ACCSL: variants seen among roughly 807,000 people sequenced by gnomAD.
ACCSL encodes probable inactive 1-aminocyclopropane-1-carboxylate synthase-like protein 2.
ACCSL carries 55 observed loss-of-function variants against 61.7 expected under a neutral mutation model. The observed-to-expected ratio is 0.89, with a 90% confidence interval of 0.72 to 1.12. The LOEUF is 1.12. Ranked by LOEUF, ACCSL falls within the 50% of genes most tolerant of loss-of-function variation. ACCSL has a pLI of 0.00. For synonymous variants in ACCSL, 258 were observed against 264.3 expected, an observed-to-expected ratio of 0.98 and a Z score of 0.23; for missense variants, 632 against 698.0, an observed-to-expected ratio of 0.91 and a Z score of 1.07.
the ACCSL span, among the ~76,000 whole-genome samples, chr11:44,002,605 C>T: frequency 6.6e-6 from 1 of 152,118 alleles, no homozygotes; most frequent in Non-Finnish European, 1.5e-5. Flanking sequence ...GAGGCTGTAG[C>T]TGGGGAGATA....
chr11:43,997,985 G>A, the ACCSL span, among the ~76,000 whole-genome samples: 2 of 152,218 alleles, frequency 1.3e-5, no homozygotes, highest in Non-Finnish European at 2.9e-5. Flanking sequence ...ATCACCATCA[G>A]TGTAGCATGG....
At chr11:43,969,671 A>G in the ACCSL span, among the ~76,000 whole-genome samples, 1 of 152,056 alleles carries the variant, frequency 6.6e-6, no homozygotes, top group Non-Finnish European at 1.5e-5. Flanking sequence ...CTGACTTCGC[A>G]GAGCCTGCCA....
intron 7 of ACCSL, 106 bp from the exon 8 acceptor site, chr11:44,053,300 C>T: frequency 8.9e-7 from 1 of 1,129,612 alleles, no homozygotes. Flanking sequence ...GCTTCAAGAC[C>T]CTACCTAGGC....
the ACCSL span, among the ~76,000 whole-genome samples, chr11:43,938,842 T>C: frequency 6.6e-6 from 1 of 152,180 alleles, no homozygotes; most frequent in East Asian, 1.9e-4. Flanking sequence ...AAGGCTATCC[T>C]AAGGACATCC....
chr11:43,996,145 G>T, the ACCSL span, among the ~76,000 whole-genome samples: 1 of 152,202 alleles, frequency 6.6e-6, no homozygotes, highest in African/African-American at 2.4e-5. Context: ...ACAGCCCTCA[G>T]AAGGGACCAA....
At chr11:44,047,937 G>T, upstream of ACCSL, 2 of 1,429,316 alleles carry the variant, frequency 1.4e-6, no homozygotes, top group South Asian at 2.7e-5. Context: ...TCCATTCCTG[G>T]ACCTGAGGGT....
chr11:43,980,988 T>G, the ACCSL span, among the ~76,000 whole-genome samples: 115 of 152,318 alleles, frequency 7.5e-4, no homozygotes, highest in Non-Finnish European at 8.4e-4. Context: ...CATAGATGAT[T>G]GTTTTAAGTA....
the ACCSL span, among the ~76,000 whole-genome samples, chr11:44,034,048 T>C: frequency 1.3e-5 from 2 of 152,160 alleles, no homozygotes; most frequent in African/African-American, 4.8e-5. Flanking sequence ...TGGGCTGTCA[T>C]TGTGCAGCCA....
At chr11:43,939,911 G>A in the ACCSL span, among the ~76,000 whole-genome samples, 1 of 151,980 alleles carries the variant, frequency 6.6e-6, no homozygotes, top group African/African-American at 2.4e-5. Flanking sequence ...CTGGACAGAG[G>A]TCAACCTTGA....
chr11:43,952,605 C>T, the ACCSL span, among the ~76,000 whole-genome samples: 2 of 152,198 alleles, frequency 1.3e-5, no homozygotes, highest in Non-Finnish European at 2.9e-5. Flanking sequence ...CCCCCAGTCA[C>T]ATACCGCCTG....
At chr11:43,984,013 C>A in the ACCSL span, among the ~76,000 whole-genome samples, 1 of 151,832 alleles carries the variant, frequency 6.6e-6, no homozygotes, top group Non-Finnish European at 1.5e-5. Flanking sequence ...GGTACTTGGG[C>A]GGCTGAGGCA....
At chr11:44,048,561 GTGGGC>G in intron 1 of ACCSL, 21 bp downstream of exon 1, 1 of 204,360 alleles carries the variant, frequency 4.9e-6, no homozygotes, top group Non-Finnish European at 8.7e-6. Context: ...GGGGTGGGGG[GTGGGC>G]AGCATCCTCA....
rs1388829996 is a variant in ACCSL, at chr11:44,055,059, G to A, written c.1050-143G>A. The A allele has an allele frequency of 2.6e-5, 15 of 573,180 alleles. No homozygotes were observed. In the South Asian group the frequency reaches 3.4e-4, roughly 13 times the overall value. 35.5% of individuals were successfully genotyped at this position (573,180 alleles called of 1,614,324 possible). On this transcript the variant is annotated intron_variant, in intron 8 of 13. Coordinates refer to ENST00000378832, the MANE Select transcript of ACCSL (RefSeq NM_001031854.2). ...CTTGGAGGGTCAGATGGGCTGCTGG[G>A]GCAGTAGGAGTGCATGATCTGTGTC...
At chr11:43,959,405 G>T in the ACCSL span, among the ~76,000 whole-genome samples, 6 of 152,252 alleles carry the variant, frequency 3.9e-5, no homozygotes, top group South Asian at 2.1e-4. Context: ...AGCTGCGAGA[G>T]AAATTAACTT....
At chr11:43,936,860 A>G in the ACCSL span, among the ~76,000 whole-genome samples, 1 of 151,986 alleles carries the variant, frequency 6.6e-6, no homozygotes, top group South Asian at 2.1e-4. Context: ...TCGGTCCTCC[A>G]TGGGAGGTTC....
chr11:43,938,206 G>C, the ACCSL span, among the ~76,000 whole-genome samples: 146 of 148,434 alleles, frequency 9.8e-4, no homozygotes, highest in African/African-American at 3.7e-3. Context: ...AGGTTCTCTG[G>C]GGGGGTGACC....
chr11:43,929,776 C>T, the ACCSL span, among the ~76,000 whole-genome samples: 3 of 152,262 alleles, frequency 2.0e-5, no homozygotes, highest in East Asian at 5.8e-4. Context: ...AACTCCTGGC[C>T]TCAAGTGATC....
In ACCSL at chr11:44,058,608, G is replaced by T. The variant is rs997822215; in HGVS notation, c.1533G>T (p.Lys511Asn). ...RLLYCRFLDNKLLLSRGKTYM... is the reference protein window; with the variant it reads ...RLLYCRFLDNNLLLSRGKTYM... ...TCTATTGCCGCTTCCTGGACAACAA[G>T]CTATTGTTATCCCGTGGCAAAACCT... The change falls in exon 13 of 14, where the codon AAG (lysine) becomes AAT (asparagine). Residue 511 changes from lysine (K) to asparagine (N), a missense_variant. Transcript: ENST00000378832. 1.2e-6 allele frequency: 2 copies of T among 1,614,118 alleles called. No individual in the cohort carries two copies. Among genetic ancestry groups the T allele is most frequent in the East Asian group, 4.5e-5 (2 of 44,874 alleles).
At chr11:43,981,382 GGAA>G in the ACCSL span, among the ~76,000 whole-genome samples, 1 of 152,132 alleles carries the variant, frequency 6.6e-6, no homozygotes, top group East Asian at 1.9e-4. Flanking sequence ...GAAGGCCCCA[GGAA>G]GAGAGACACA....
Sources: allele counts gnomAD v4.1 joint callset (sites outside exome capture counted in the v4.1 genomes callset), GRCh38; gene constraint gnomAD v4.1.1; transcripts MANE v1.5; gene names NCBI Gene and HGNC (gene_info 2026-07-23, HGNC 2026-07-21).